Variants in IGFN1 observed in about 807,000 individuals in gnomAD.
IGFN1 encodes the protein immunoglobulin like and fibronectin type III domain containing 1.
In IGFN1, 253 loss-of-function variants were observed where a neutral mutation model predicts 289.5. That is an observed-to-expected ratio of 0.87 (90% CI 0.79 to 0.97). The LOEUF (loss-of-function observed/expected upper bound fraction) is 0.97, where lower values mean the gene tolerates loss of function less well. Ranked by LOEUF, IGFN1 falls within the 50% of genes least tolerant of loss-of-function variation. The probability of loss-of-function intolerance (pLI) is 0.00; values close to 1 mark genes in which losing one functional copy is unlikely to be tolerated. For synonymous variants in IGFN1, 1,706 were observed against 1,788.5 expected (o/e 0.95, Z 1.16); for missense variants, 4,470 against 4,686.1 (o/e 0.95, Z 1.35).
chr1:201,226,218 G>C, intron 22 of IGFN1, 95 bp downstream of exon 22: 1 of 1,340,990 alleles, frequency 7.5e-7, no homozygotes, highest in Non-Finnish European at 9.8e-7. Context: ...CGCAGGATAG[G>C]GACTGTGGCA....
In IGFN1 at chr1:201,228,845, G is replaced by C. The variant is rs1313868969; in HGVS notation, c.*446G>C. On this transcript the variant is annotated 3_prime_UTR_variant, in exon 24 of 24. Transcript: ENST00000335211. Reference sequence around the variant, plus strand: ...GGGTGAGGACTAGGGCATCAAGGTCGTGTGTGTGGGTGGGGGCAGCCTCCA... The same window carrying C: ...GGGTGAGGACTAGGGCATCAAGGTCCTGTGTGTGGGTGGGGGCAGCCTCCA... The C allele has an allele frequency of 5.9e-6, 1 of 169,054 alleles. No homozygotes were observed. Among genetic ancestry groups the C allele is most frequent in the African/African-American group, 2.4e-5 (1 of 41,878 alleles). The allele number at this position is 169,054 out of a possible 1,614,324, so 10.5% of individuals were successfully genotyped here.
At position 201,213,627 on chromosome 1, in the gene IGFN1, T is replaced by C; in HGVS notation, c.8728+6T>C. 1 of 1,611,212 alleles carries C rather than the reference T, an allele frequency of 6.2e-7. No individual in the cohort carries two copies. The highest frequency in any genetic ancestry group is 1.7e-4 in the Middle Eastern group (1 of 6,044). The stretch of plus-strand genomic sequence containing the variant: ...TTTCTCCAAGGATGCCCAAGGTAGG[T>C]GCTTCTCTGCTGAGCTGGCTCCCAT... On this transcript the variant is annotated splice_donor_region_variant and intron_variant, in intron 12 of 23. Transcript: ENST00000335211.
Position 201,213,190 on chromosome 1 carries a change from A to T in IGFN1, c.8297A>T (p.Lys2766Met). The T allele has an allele frequency of 6.4e-7, 1 of 1,551,626 alleles. No individual in the cohort carries two copies. Among genetic ancestry groups the T allele is most frequent in the Non-Finnish European group, 8.7e-7 (1 of 1,146,938 alleles). ...CAGGACCTGAGCTCTCAGCGAGGCAAGGGACAGAGAGGAGGAAAGAGGTCC... is the reference window on the plus strand; with the variant it reads ...CAGGACCTGAGCTCTCAGCGAGGCATGGGACAGAGAGGAGGAAAGAGGTCC... ...GTQDLSSQRG[K>M]GQRGGKRSLG... Residue 2766 changes from lysine (K) to methionine (M), a missense_variant, in exon 12 of 24, where the codon AAG (lysine) becomes ATG (methionine). Coordinates refer to ENST00000335211, the MANE Select transcript of IGFN1 (RefSeq NM_001164586.2).
rs1390382096 is a variant in IGFN1, at chr1:201,211,663, C to T, written c.6770C>T (p.Pro2257Leu). The change falls in exon 12 of 24, where the codon CCT (proline) becomes CTT (leucine). Residue 2257 changes from proline to leucine, a missense_variant. By Grantham distance (98) the Pro-to-Leu change is moderately conservative. This residue lies in a region of IGFN1 where 2,218 missense variants were observed against 2,114.1 expected (regional missense o/e 1.05). Coordinates refer to ENST00000335211, the MANE Select transcript of IGFN1 (RefSeq NM_001164586.2). The part of the protein sequence containing the change: ...EADYRKDLGA[P>L]EEMGSGSYTD... Reference sequence around the variant, plus strand: ...GATTATAGGAAGGATTTGGGAGCTCCTGAGGAAATGGGTTCAGGCAGTTAC... The same window carrying T: ...GATTATAGGAAGGATTTGGGAGCTCTTGAGGAAATGGGTTCAGGCAGTTAC... 2 of 1,536,862 alleles carry T rather than the reference C, an allele frequency of 1.3e-6. No homozygotes were observed. Among genetic ancestry groups the T allele is most frequent in the Non-Finnish European group, 1.7e-6 (2 of 1,146,824 alleles).
In IGFN1 at chr1:201,225,972, C is replaced by T. The variant is rs367784239; in HGVS notation, c.10635C>T (p.His3545=). ...GCTCCTCAGCGCACGGTCCCTGGCA[C>T]GAGGCAGCCGACCGCATCCACACCA... ...FTRSSAHGPW[H]EAADRIHTNR... is the part of the protein sequence containing the mutation. Residue 3545 remains histidine, a synonymous_variant, in exon 22 of 24, where the codon CAC becomes CAT. Transcript: ENST00000335211. The T allele has an allele frequency of 1.3e-5, 20 of 1,576,720 alleles. No homozygotes were observed. The Admixed American group carries it at 1.6e-4, about 12-fold the overall frequency.
chr1:201,202,875 C>G lies in IGFN1; in HGVS notation c.748-863C>G, dbSNP rs960828721. Among the ~76,000 whole-genome samples, 35 of 151,640 alleles carry G rather than the reference C, an allele frequency of 2.3e-4. 1 individual carries two copies. Among genetic ancestry groups the G allele is most frequent in the African/African-American group, 8.0e-4 (33 of 41,238 alleles). The stretch of plus-strand genomic sequence containing the variant: ...GGTTCAAGTGATTCTCCTGCCTCAG[C>G]CTCCCGAGTAGCTGGGATTACAGGT... On this transcript the variant is annotated intron_variant, in intron 9 of 23. Transcript: ENST00000335211.
At position 201,226,027 on chromosome 1, in the gene IGFN1, G is replaced by A. The variant is rs774042254; in HGVS notation, c.10690G>A (p.Gly3564Ser). 2.6e-5 allele frequency: 41 copies of A among 1,585,156 alleles called. No homozygotes were observed. The highest frequency in any genetic ancestry group is 1.7e-4 in the Middle Eastern group (1 of 5,970). The change falls in exon 22 of 24, where the codon GGC (glycine) becomes AGC (serine). Residue 3564 changes from glycine to serine, a missense_variant. By Grantham distance (56) the Gly-to-Ser change is moderately conservative. Transcript: ENST00000335211. ...NRFTLLGILP[G>S]HEYHFRVVAK... ...CTTCACCCTCCTGGGCATCCTCCCC[G>A]GCCACGAATACCACTTCAGGGTGGT...
chr1:201,213,264 C>T lies in IGFN1; in HGVS notation c.8371C>T (p.Pro2791Ser). Residue 2791 changes from proline to serine, a missense_variant, in exon 12 of 24, where the codon CCT becomes TCT. Coordinates refer to ENST00000335211, the MANE Select transcript of IGFN1 (RefSeq NM_001164586.2). ...GGCTGAGAATGGTGAGGTCCAGGGTCCTGGGGCCCTAAAGGAGGATGAAGG... is the reference window on the plus strand; with the variant it reads ...GGCTGAGAATGGTGAGGTCCAGGGTTCTGGGGCCCTAAAGGAGGATGAAGG... ...LEAENGEVQG[P>S]GALKEDEGQG... The T allele has an allele frequency of 6.4e-7, 1 of 1,553,008 alleles. No individual in the cohort carries two copies. Among genetic ancestry groups the T allele is most frequent in the Non-Finnish European group, 8.7e-7 (1 of 1,147,720 alleles).
At position 201,197,307 on chromosome 1, in the gene IGFN1, T is replaced by C. The variant is rs11589317; in HGVS notation, c.357T>C (p.Thr119=). 1,415,652 of 1,548,192 alleles carry C rather than the reference T, an allele frequency of 0.91. 648,262 individuals are homozygous for C. Among genetic ancestry groups the C allele is most frequent in the Non-Finnish European group, 0.93 (1,060,651 of 1,144,084 alleles). Residue 119 remains threonine (T), a synonymous_variant, in exon 5 of 24, where the codon ACT becomes ACC. Transcript: ENST00000335211. ...AGGCCGCTTGCTCAGTGAGACTCAC[T>C]GTCATCGAAGGTGGGCTTTTCCCTG... The part of the protein sequence containing the change: ...YGEAACSVRL[T]VIEVGFRKNR...
chr1:201,221,890 C>T (rs1158776185), intron 19 of IGFN1, 144 bp downstream of exon 19: 1 of 652,020 alleles, frequency 1.5e-6, no homozygotes, highest in African/African-American at 1.8e-5. Flanking sequence ...CTACTAGGTG[C>T]TAGGTACTGG....
At chr1:201,226,480 G>C (rs1235975944) in intron 22 of IGFN1, among the ~76,000 whole-genome samples, 1 of 152,184 alleles carries the variant, frequency 6.6e-6, no homozygotes, top group African/African-American at 2.4e-5. Flanking sequence ...AGTAGATGTG[G>C]ACCTTAAGAT....
chr1:201,209,912 T>G lies in IGFN1; in HGVS notation c.5019T>G (p.Gly1673=). The G allele has an allele frequency of 1.4e-6, 2 of 1,461,938 alleles. No individual in the cohort carries two copies. Among genetic ancestry groups the G allele is most frequent in the Non-Finnish European group, 1.8e-6 (2 of 1,093,492 alleles). The allele number at this position is 1,461,938 out of a possible 1,614,324, so 90.6% of individuals were successfully genotyped here. A position where few individuals can be genotyped will look rare whatever the true frequency, so the allele number is the denominator to read the frequency against. Reference sequence around the variant, plus strand: ...AAATGGGGTCAATGGATGAGGCAGGTTATAGGAAGAATTTGGGGGCTCCTG... The same window carrying G: ...AAATGGGGTCAATGGATGAGGCAGGGTATAGGAAGAATTTGGGGGCTCCTG... ...SGEMGSMDEA[G]YRKNLGAPEG... Residue 1673 remains glycine, a synonymous_variant, in exon 12 of 24, where the codon GGT becomes GGG. Transcript: ENST00000335211.
rs1241559218 is a variant in IGFN1 at position 201,206,609 on chromosome 1, G to A, written c.1716G>A (p.Gly572=). ...GSSRLQAGGL[G]SSREGKEHRG... ...GTCGGCTTCAGGCTGGAGGACTGGG[G>A]AGCAGCAGGGAAGGAAAGGAGCACA... Residue 572 remains glycine (G), a synonymous_variant, in exon 12 of 24, where the codon GGG becomes GGA. Transcript: ENST00000335211. 10 of 1,544,542 alleles carry A rather than the reference G, an allele frequency of 6.5e-6. No individual in the cohort carries two copies. Among genetic ancestry groups the A allele is most frequent in the Non-Finnish European group, 8.7e-6 (10 of 1,146,942 alleles).
Position 201,218,658 on chromosome 1 carries a change from A to G in IGFN1, c.9898A>G (p.Arg3300Gly), listed in dbSNP as rs1177382270. ...TGCTGTCTTTGCTCGGGACCCCATG[A>G]GTAAGTAGGGCACCAACCCAGGATG... ...SDAVFARDPM[R>G]PPGLVRNLQV... The change falls in exon 18 of 24, where the codon AGA (arginine) becomes GGA (glycine). Residue 3300 changes from arginine (R) to glycine (G), a missense_variant and splice_region_variant. Arg to Gly is a moderately radical substitution (Grantham distance 125). Around this residue, in one of 8 missense-constraint regions of IGFN1, gnomAD observed 2,218 missense variants for 2,114.1 expected, o/e 1.05. Coordinates refer to ENST00000335211, the MANE Select transcript of IGFN1 (RefSeq NM_001164586.2). 2 of 1,602,650 alleles carry G rather than the reference A, an allele frequency of 1.2e-6. No homozygotes were observed.
chr1:201,215,086 G>C lies in IGFN1; in HGVS notation c.8927G>C (p.Gly2976Ala), dbSNP rs184221434. 85 of 1,614,114 alleles carry C rather than the reference G, an allele frequency of 5.3e-5. No homozygotes were observed. In the East Asian group the frequency reaches 1.5e-3, roughly 28 times the overall value. Residue 2976 changes from glycine to alanine, a missense_variant, in exon 14 of 24, where the codon GGG becomes GCG. Gly to Ala is a moderately conservative substitution (Grantham distance 60). Coordinates refer to ENST00000335211, the MANE Select transcript of IGFN1 (RefSeq NM_001164586.2). ...AGCCTCTTCATCACGCATGTGCAGG[G>C]GACCCAAGCTGGGAGGTACACCTTT... ...VHSLFITHVQ[G>A]TQAGRYTFVA...
intron 20 of IGFN1, among the ~76,000 whole-genome samples, chr1:201,223,356 A>C (rs539659537): frequency 2.9e-5 from 4 of 137,902 alleles, no homozygotes; most frequent in Non-Finnish European, 6.7e-5. Flanking sequence ...AATATTATTT[A>C]TTTATTTATT....
At chr1:201,204,475 A>G (rs772612662) in intron 10 of IGFN1, among the ~76,000 whole-genome samples, 6 of 152,208 alleles carry the variant, frequency 3.9e-5, no homozygotes, top group Non-Finnish European at 8.8e-5. Context: ...GGCCTGGGGA[A>G]GGGAGCTTTG....
In IGFN1 at chr1:201,212,751, G is replaced by C; in HGVS notation, c.7858G>C (p.Gly2620Arg). Reference protein sequence around the residue: ...KSTSGPADRQGTSNAWAPDWE... With the variant: ...KSTSGPADRQRTSNAWAPDWE... ...AACATCAGGGCCTGCTGATAGACAA[G>C]GGACGAGCAATGCTTGGGCTCCTGA... is the stretch of plus-strand genomic sequence containing the variant. Residue 2620 changes from glycine (G) to arginine (R), a missense_variant, in exon 12 of 24, where the codon GGG becomes CGG. Gly to Arg is a moderately radical substitution (Grantham distance 125). Transcript: ENST00000335211. 4 of 1,551,598 alleles carry C rather than the reference G, an allele frequency of 2.6e-6. No individual in the cohort carries two copies. Among genetic ancestry groups the C allele is most frequent in the Non-Finnish European group, 3.5e-6 (4 of 1,146,926 alleles).
chr1:201,220,777 A>G (rs531449307), intron 18 of IGFN1, among the ~76,000 whole-genome samples: 22 of 152,356 alleles, frequency 1.4e-4, no homozygotes, highest in South Asian at 6.2e-4. Context: ...GCATATGTAG[A>G]AACACCTGGA....
Sources: gnomAD v4.1 joint callset for allele counts (sites outside exome capture counted in the v4.1 genomes callset) on GRCh38, gnomAD v4.1.1 for gene constraint, gnomAD v4.1.1 regional missense constraint, MANE v1.5 for transcripts, NCBI Gene and HGNC (gene_info 2026-07-23, HGNC 2026-07-21) for gene names.